The following TENT4B variants were observed in gnomAD, a reference collection of about 807,000 sequenced individuals.
TENT4B encodes the protein terminal nucleotidyltransferase 4B, also known as PAP associated domain containing 5.
In TENT4B, 10 loss-of-function variants were observed where a neutral mutation model predicts 75.0. That is an observed-to-expected ratio of 0.13 (90% CI 0.08 to 0.23). The LOEUF (loss-of-function observed/expected upper bound fraction) is 0.23, where lower values mean the gene tolerates loss of function less well. Ranked by LOEUF, TENT4B falls within the 10% of genes least tolerant of loss-of-function variation. The pLI, the probability that TENT4B is intolerant of heterozygous loss-of-function variation, is 1.00. For missense variants in TENT4B, 579 were observed against 893.8 expected, an observed-to-expected ratio of 0.65 and a Z score of 4.49; for synonymous variants, 350 against 357.7, an observed-to-expected ratio of 0.98 and a Z score of 0.24.
At chr16:50,176,494 CTTTTTTTTTT>C (rs34067223) in intron 1 of TENT4B, among the ~76,000 whole-genome samples, 3 of 53,088 alleles carry the variant, frequency 5.7e-5, no homozygotes, top group South Asian at 1.2e-3. Flanking sequence ...ACCAATAATT[CTTTTTTTTTT>C]TTTTTTTTTT....
intron 2 of TENT4B, among the ~76,000 whole-genome samples, chr16:50,211,778 T>C (rs1162094136): frequency 6.6e-6 from 1 of 152,208 alleles, no homozygotes; most frequent in African/African-American, 2.4e-5. Context: ...TTGGATATGA[T>C]ATATCAAAAC....
chr16:50,160,309 C>G (rs1320135684), intron 1 of TENT4B, among the ~76,000 whole-genome samples: 1 of 152,014 alleles, frequency 6.6e-6, no homozygotes, highest in Non-Finnish European at 1.5e-5. Context: ...TTTTTTCCCC[C>G]TTCGTCTTTG....
chr16:50,206,701 CA>C (rs534819378), intron 1 of TENT4B, among the ~76,000 whole-genome samples: 112 of 152,194 alleles, frequency 7.4e-4, no homozygotes, highest in African/African-American at 2.4e-3. Context: ...GGGAGCTTTC[CA>C]CCTTGCCTTT....
chr16:50,196,643 A>C (rs867702074), intron 1 of TENT4B, among the ~76,000 whole-genome samples: 1 of 152,128 alleles, frequency 6.6e-6, no homozygotes, highest in South Asian at 2.1e-4. Flanking sequence ...AAAGAGTACA[A>C]CTGGCCAGGG....
intron 1 of TENT4B, among the ~76,000 whole-genome samples, chr16:50,185,168 C>T (rs1333544697): frequency 6.6e-6 from 1 of 152,144 alleles, no homozygotes; most frequent in Non-Finnish European, 1.5e-5. Context: ...GGAATTTCTG[C>T]ATCTAAGTAA....
At chr16:50,188,550 G>C (rs1368450594) in intron 1 of TENT4B, among the ~76,000 whole-genome samples, 1 of 152,186 alleles carries the variant, frequency 6.6e-6, no homozygotes, top group Non-Finnish European at 1.5e-5. Context: ...GTGTAATTTT[G>C]AAATGAAAAC....
chr16:50,232,198 G>A lies in TENT4B; in HGVS notation c.*2870G>A, dbSNP rs2032316340. 1.0e-6 allele frequency: 1 copy of A among 985,382 alleles called. No individual in the cohort carries two copies. The highest frequency in any genetic ancestry group is 1.2e-6 in the Non-Finnish European group (1 of 829,930). 61.0% of individuals were successfully genotyped at this position (985,382 alleles called of 1,614,324 possible). On this transcript the variant is annotated 3_prime_UTR_variant, in exon 12 of 12. Coordinates refer to ENST00000561678, the MANE Select transcript of TENT4B (RefSeq NM_001365324.3). ...TCCATTTTTTCCCTCCAGCTTTAAG[G>A]TGACTGTGAAGGTGCCTGGTTTTGA...
At chr16:50,180,259 A>G (rs1428425569) in intron 1 of TENT4B, among the ~76,000 whole-genome samples, 1 of 152,106 alleles carries the variant, frequency 6.6e-6, no homozygotes, top group Admixed American at 6.5e-5. Context: ...GTGTGCCACC[A>G]TGCCTGGCTA....
rs1372879320 is a variant in TENT4B, at chr16:50,153,607, G to T, written c.-15G>T. 1.0e-6 allele frequency: 1 copy of T among 1,002,018 alleles called. No homozygotes were observed. The highest frequency in any genetic ancestry group is 1.1e-4 in the East Asian group (1 of 9,422). The allele number at this position is 1,002,018 out of a possible 1,614,324, so 62.1% of individuals were successfully genotyped here. ...GGCGGCCGGGAGGGGCGGGGGCAGC[G>T]GCCGCCGCCGTTTGATGGATCCGAG... On this transcript the variant is annotated 5_prime_UTR_variant, in exon 1 of 12. Transcript: ENST00000561678.
Position 50,157,994 on chromosome 16 carries a change from G to A in TENT4B, c.638+3735G>A, listed in dbSNP as rs943971080. On this transcript the variant is annotated intron_variant, in intron 1 of 11. Coordinates refer to ENST00000561678, the MANE Select transcript of TENT4B (RefSeq NM_001365324.3). ...TTGCCCATGAAGGTCTCCAACTCCT[G>A]GTCCAAGTGATCCTCCCGCCTCCGC... Among the ~76,000 whole-genome samples the A allele has an allele frequency of 1.7e-4, 26 of 151,934 alleles. 1 individual carries two copies. The highest frequency in any genetic ancestry group is 1.2e-3 in the Admixed American group (18 of 15,236).
At chr16:50,227,707 G>C in intron 10 of TENT4B, 132 bp from the exon 11 acceptor site, 1 of 934,346 alleles carries the variant, frequency 1.1e-6, no homozygotes, top group Non-Finnish European at 1.6e-6. Flanking sequence ...TTAATTTTTT[G>C]TGTGCTTCTT....
chr16:50,201,668 C>T (rs1021889364), intron 1 of TENT4B, among the ~76,000 whole-genome samples: 3 of 151,896 alleles, frequency 2.0e-5, no homozygotes, highest in Admixed American at 2.0e-4. Context: ...CATGGCGAAA[C>T]CCCATCTCTA....
chr16:50,223,043 A>G, intron 6 of TENT4B, 131 bp from the exon 7 acceptor site: 1 of 666,814 alleles, frequency 1.5e-6, no homozygotes, highest in Non-Finnish European at 2.6e-6. Context: ...CTGTTAGCCC[A>G]TTATCAACTG....
At chr16:50,222,459 T>C (rs1301043857) in intron 6 of TENT4B, 25 bp downstream of exon 6, 1 of 1,602,404 alleles carries the variant, frequency 6.2e-7, no homozygotes, top group African/African-American at 1.3e-5. Context: ...TATAGCATGC[T>C]AGTGCACACT....
chr16:50,183,434 CTG>C (rs2038462643), intron 1 of TENT4B, among the ~76,000 whole-genome samples: 1 of 151,092 alleles, frequency 6.6e-6, no homozygotes, highest in African/African-American at 2.4e-5. Flanking sequence ...AGATGTATGA[CTG>C]TGTTGGTTGT....
chr16:50,169,098 C>A (rs1422507624), intron 1 of TENT4B, among the ~76,000 whole-genome samples: 4 of 152,154 alleles, frequency 2.6e-5, no homozygotes, highest in Admixed American at 6.6e-5. Flanking sequence ...CATATTTCCT[C>A]CATTGTCCCA....
chr16:50,225,386 A>G, intron 10 of TENT4B, 101 bp downstream of exon 10: 2 of 1,038,256 alleles, frequency 1.9e-6, no homozygotes, highest in Non-Finnish European at 2.7e-6. Context: ...CTTTGCTTAC[A>G]TGTTACTGGG....
At chr16:50,159,770 G>A (rs922793984) in intron 1 of TENT4B, among the ~76,000 whole-genome samples, 5 of 152,124 alleles carry the variant, frequency 3.3e-5, no homozygotes, top group South Asian at 2.1e-4. Flanking sequence ...ACTGACATGC[G>A]CTTTTAAGAA....
intron 5 of TENT4B, among the ~76,000 whole-genome samples, chr16:50,218,303 C>T (rs1487131171): frequency 1.3e-5 from 2 of 151,970 alleles, no homozygotes; most frequent in African/African-American, 4.8e-5. Flanking sequence ...TTCCCATATG[C>T]CCCAAGAATA....
Sources: allele counts gnomAD v4.1 joint callset (sites outside exome capture counted in the v4.1 genomes callset), GRCh38; gene constraint gnomAD v4.1.1; transcripts MANE v1.5; gene names NCBI Gene and HGNC (gene_info 2026-07-23, HGNC 2026-07-21).